Variants in CAGE1 observed in about 807,000 individuals in gnomAD.
CAGE1 encodes cancer antigen 1, also known as cancer-associated gene 1 protein.
In CAGE1, 66 loss-of-function variants were observed where a neutral mutation model predicts 94.9. That is an observed-to-expected ratio of 0.70 (90% confidence interval 0.57 to 0.85). CAGE1 has a LOEUF of 0.85. Among genes scored for constraint, CAGE1 ranks in the 40% least tolerant of loss-of-function variants. The probability of loss-of-function intolerance (pLI) is 0.00; values close to 1 mark genes in which losing one functional copy is unlikely to be tolerated. For synonymous variants in CAGE1, 319 were observed against 321.0 expected (o/e 0.99, Z 0.07); for missense variants, 865 against 950.4 (o/e 0.91, Z 1.18).
rs765219753 is a variant in CAGE1, at chr6:7,370,082, C to A, written c.1747-17G>T. The A allele has an allele frequency of 5.3e-5, 82 of 1,556,008 alleles. No individual in the cohort carries two copies. Among genetic ancestry groups the A allele is most frequent in the Non-Finnish European group, 6.6e-5 (76 of 1,152,404 alleles). The stretch of plus-strand genomic sequence containing the variant: ...TTTTGTATCCTACATGCACGTAATT[C>A]AGATTTGTCAAAATAATGATGAAGA... On this transcript the variant is annotated splice_polypyrimidine_tract_variant and intron_variant, in intron 5 of 13. Coordinates refer to ENST00000502583, the MANE Select transcript of CAGE1 (RefSeq NM_001170692.2).
At position 7,389,241 on chromosome 6, in the gene CAGE1, A is replaced by C. The variant is rs759092973; in HGVS notation, c.-63T>G. 36 of 456,260 alleles carry C rather than the reference A, an allele frequency of 7.9e-5. No individual in the cohort carries two copies. Among genetic ancestry groups the C allele is most frequent in the African/African-American group, 4.6e-4 (23 of 50,186 alleles). 28.3% of individuals were successfully genotyped at this position (456,260 alleles called of 1,614,324 possible). A position where few individuals can be genotyped will look rare whatever the true frequency, so the allele number is the denominator to read the frequency against. ...CTTATCTCATTCATTTTTCACCTCA[A>C]AACGAGACACCAAACTTTTTAAGAC... On this transcript the variant is annotated 5_prime_UTR_variant, in exon 1 of 14. Coordinates refer to ENST00000502583, the MANE Select transcript of CAGE1 (RefSeq NM_001170692.2).
intron 13 of CAGE1, 135 bp from the exon 14 acceptor site, chr6:7,327,034 C>A: frequency 4.4e-6 from 3 of 674,924 alleles, no homozygotes; most frequent in South Asian, 1.6e-5. Context: ...ATGAATTCCA[C>A]AGATAATACC....
At chr6:7,378,382 A>T (rs962704200) in intron 4 of CAGE1, among the ~76,000 whole-genome samples, 6 of 152,100 alleles carry the variant, frequency 3.9e-5, no homozygotes, top group Non-Finnish European at 8.8e-5. Flanking sequence ...CTCAGAATGC[A>T]TTTTCCCCAG....
chr6:7,379,023 C>A lies in CAGE1; in HGVS notation c.284-3G>T. On this transcript the variant is annotated splice_region_variant and splice_polypyrimidine_tract_variant and intron_variant, in intron 3 of 13. Coordinates refer to ENST00000502583, the MANE Select transcript of CAGE1 (RefSeq NM_001170692.2). ...TGAGTAATTTTCAATGTTGTTATCT[C>A]ATAAGAAAGAGAAAGAAGGAAATAA... The A allele has an allele frequency of 6.7e-7, 1 of 1,485,614 alleles. No homozygotes were observed. The highest frequency in any genetic ancestry group is 1.4e-5 in the South Asian group (1 of 73,810). The allele number at this position is 1,485,614 out of a possible 1,614,324, so 92.0% of individuals were successfully genotyped here.
In CAGE1 at chr6:7,358,027, GATATATATATATATATATATAT is replaced by G. The variant is rs55850429; in HGVS notation, c.2194-1920_2194-1899del. ...CAGACTGCGGTTAGGTAAGTTTTGA[GATATATATATATATATATATAT>G]ATATATATATATATATATATATGCC... On this transcript the variant is annotated intron_variant, in intron 9 of 13. Transcript: ENST00000502583. Among the ~76,000 whole-genome samples, 46 of 48,086 alleles carry G rather than the reference GATATATATATATATATATATAT, an allele frequency of 9.6e-4. 2 individuals carry two copies. Among genetic ancestry groups the G allele is most frequent in the South Asian group, 3.4e-3 (3 of 876 alleles). The allele number at this position is 48,086 out of a possible 152,430, so 31.5% of individuals were successfully genotyped here.
At position 7,378,927 on chromosome 6, in the gene CAGE1, T is replaced by C. The variant is rs1760846114; in HGVS notation, c.377A>G (p.Lys126Arg). The C allele has an allele frequency of 6.2e-7, 1 of 1,601,334 alleles. No individual in the cohort carries two copies. Residue 126 changes from lysine (K) to arginine (R), a missense_variant, in exon 4 of 14, where the codon AAA becomes AGA. Lys to Arg is a conservative substitution (Grantham distance 26). Transcript: ENST00000502583. The stretch of plus-strand genomic sequence containing the variant: ...ATCAAATGCTTCTACCCAGTGAAAT[T>C]TGCAAACGGTTTCAAATTGTCTCAA... ...SSLRQFETVCKFHWVEAFDDE... is the reference protein window; with the variant it reads ...SSLRQFETVCRFHWVEAFDDE...
intron 13 of CAGE1, among the ~76,000 whole-genome samples, chr6:7,328,870 ATAAGTG>A (rs1758622421): frequency 1.6e-5 from 2 of 128,586 alleles, no homozygotes; most frequent in Admixed American, 8.1e-5. Flanking sequence ...TCTGTATCTT[ATAAGTG>A]TGTGTGTGTG....
chr6:7,381,513 T>C (rs1760929040), intron 3 of CAGE1, among the ~76,000 whole-genome samples: 1 of 150,874 alleles, frequency 6.6e-6, no homozygotes, highest in South Asian at 2.1e-4. Context: ...TACATATACT[T>C]TGCCTGTTTT....
intron 12 of CAGE1, among the ~76,000 whole-genome samples, chr6:7,330,749 A>G (rs906121550): frequency 3.9e-5 from 6 of 152,162 alleles, no homozygotes; most frequent in Non-Finnish European, 8.8e-5. Context: ...GAGTTTTCTA[A>G]CAAATGTCCT....
At chr6:7,341,575 TTAAGCAGGGC>T in intron 11 of CAGE1, 1 of 1,078,942 alleles carries the variant, frequency 9.3e-7, no homozygotes, top group Non-Finnish European at 1.4e-6. Flanking sequence ...AGGCCTAGCT[TTAAGCAGGGC>T]TTCCTCTAAC....
chr6:7,354,985 G>T, intron 11 of CAGE1, 56 bp downstream of exon 11: 1 of 1,228,450 alleles, frequency 8.1e-7, no homozygotes, highest in Non-Finnish European at 1.2e-6. Flanking sequence ...TTAGAATCCA[G>T]AGAATAAGGT....
In CAGE1 at chr6:7,334,043, C is replaced by T. The variant is rs535177392; in HGVS notation, c.2417G>A (p.Arg806Lys). The T allele has an allele frequency of 4.6e-6, 7 of 1,535,266 alleles. No individual in the cohort carries two copies. In the East Asian group the frequency reaches 1.2e-4, roughly 27 times the overall value. Residue 806 changes from arginine (R) to lysine (K), a missense_variant, in exon 12 of 14, where the codon AGA becomes AAA. Transcript: ENST00000502583. ...TTACCTTGGTTTTCTGGCTTTTTCTCTGGGCTTTCTAATTAAATCCTCTAA... is the reference window on the plus strand; with the variant it reads ...TTACCTTGGTTTTCTGGCTTTTTCTTTGGGCTTTCTAATTAAATCCTCTAA... Reference protein sequence around the residue: ...KHLEDLIRKPREKARKPRSKS... With the variant: ...KHLEDLIRKPKEKARKPRSKS...
At chr6:7,366,009 G>T in intron 7 of CAGE1, 125 bp from the exon 8 acceptor site, 1 of 575,994 alleles carries the variant, frequency 1.7e-6, no homozygotes. Context: ...ACTTTGGGAT[G>T]CTGAGGCGGG....
At chr6:7,385,514 T>C (rs975008577) in intron 3 of CAGE1, among the ~76,000 whole-genome samples, 8 of 152,336 alleles carry the variant, frequency 5.3e-5, no homozygotes, top group African/African-American at 1.7e-4. Flanking sequence ...TTTTTGTGTC[T>C]GAGTCTGAGA....
intron 11 of CAGE1, among the ~76,000 whole-genome samples, chr6:7,334,345 A>C (rs1182540008): frequency 6.6e-6 from 1 of 152,182 alleles, no homozygotes; most frequent in South Asian, 2.1e-4. Context: ...CAGCATTCAG[A>C]TATTCTCCCA....
chr6:7,379,495 T>C (rs9392885), intron 3 of CAGE1, among the ~76,000 whole-genome samples: 2,239 of 152,350 alleles, frequency 0.015, 95 homozygotes, highest in Admixed American at 0.088. Flanking sequence ...TTGTCCAAAG[T>C]CACAGAGCTG....
At chr6:7,369,132 C>T (rs1336670692) in intron 6 of CAGE1, among the ~76,000 whole-genome samples, 1 of 151,822 alleles carries the variant, frequency 6.6e-6, no homozygotes, top group Non-Finnish European at 1.5e-5. Context: ...CTCAGCCTCC[C>T]AAGTAGATGG....
rs574460085 is a variant in CAGE1, at chr6:7,343,198, A to AAAAAAG, written c.2370-9109_2370-9108insCTTTTT. ...TGCGAGACTCTGTCCCACAAAAAAA[A>AAAAAAG]AAAAGAAAAGAAAAGAAAAGAAAAA... On this transcript the variant is annotated intron_variant, in intron 11 of 13. Transcript: ENST00000502583. Among the ~76,000 whole-genome samples the AAAAAAG allele has an allele frequency of 1.7e-3, 228 of 137,350 alleles. 1 individual carries two copies. The highest frequency in any genetic ancestry group is 6.1e-3 in the African/African-American group (215 of 35,384). 90.1% of individuals were successfully genotyped at this position (137,350 alleles called of 152,430 possible). A position where few individuals can be genotyped will look rare whatever the true frequency, so the allele number is the denominator to read the frequency against.
At chr6:7,377,892 T>C (rs1760809504) in intron 4 of CAGE1, among the ~76,000 whole-genome samples, 4 of 152,254 alleles carry the variant, frequency 2.6e-5, no homozygotes, top group Admixed American at 2.6e-4. Context: ...GCTCTTAGGA[T>C]ACTACATGTG....
Sources: allele counts gnomAD v4.1 joint callset (sites outside exome capture counted in the v4.1 genomes callset), GRCh38; gene constraint gnomAD v4.1.1; transcripts MANE v1.5; gene names NCBI Gene and HGNC (gene_info 2026-07-23, HGNC 2026-07-21).